JAKMIP3: variants seen among roughly 807,000 people sequenced by gnomAD.
The protein encoded by JAKMIP3 is janus kinase and microtubule-interacting protein 3.
A neutral mutation model predicts 118.5 loss-of-function variants in JAKMIP3; 58 were observed. That is an observed-to-expected ratio of 0.49 (90% CI 0.40 to 0.61). The LOEUF is 0.61. Among genes scored for constraint, JAKMIP3 ranks in the 20% least tolerant of loss-of-function variants. The probability of loss-of-function intolerance (pLI) is 0.00; values close to 1 mark genes in which losing one functional copy is unlikely to be tolerated. For missense variants in JAKMIP3, 950 were observed against 1,109.0 expected (o/e 0.86, Z 2.04); for synonymous variants, 486 against 451.2 (o/e 1.08, Z -0.98).
intron 10 of JAKMIP3, among the ~76,000 whole-genome samples, chr10:132,140,877 T>G (rs11146208): frequency 0.2 from 30,726 of 152,196 alleles, 3,188 homozygotes; most frequent in East Asian, 0.32. Context: ...CCTACGCCCC[T>G]TCTGCATAGG....
intron 1 of JAKMIP3, among the ~76,000 whole-genome samples, chr10:132,087,667 T>A (rs1237472056): frequency 6.6e-6 from 1 of 151,932 alleles, no homozygotes; most frequent in African/African-American, 2.4e-5. Context: ...TTCCAGAGCG[T>A]TTTGCATTTC....
At chr10:132,130,596 G>A (rs1215582210) in intron 3 of JAKMIP3, among the ~76,000 whole-genome samples, 4 of 152,234 alleles carry the variant, frequency 2.6e-5, no homozygotes, top group African/African-American at 9.6e-5. Context: ...CCCTGGGTCA[G>A]GAGACCTGCT....
At chr10:132,079,524 T>C (rs950259169) in intron 1 of JAKMIP3, among the ~76,000 whole-genome samples, 2 of 152,216 alleles carry the variant, frequency 1.3e-5, no homozygotes, top group Admixed American at 1.3e-4. Flanking sequence ...GGGTTGACAC[T>C]ATTTACATAT....
intron 22 of JAKMIP3, among the ~76,000 whole-genome samples, 157 bp downstream of exon 22, chr10:132,167,212 G>A (rs1564994782): frequency 2.0e-5 from 3 of 152,136 alleles, no homozygotes; most frequent in South Asian, 2.1e-4. Context: ...AGCCACCCGC[G>A]TCCTTCAACA....
Position 132,055,981 on chromosome 10 carries a change from C to T in JAKMIP3, c.-138+19243C>T, listed in dbSNP as rs1031572515. Among the ~76,000 whole-genome samples, 5 of 152,198 alleles carry T rather than the reference C, an allele frequency of 3.3e-5. No individual in the cohort carries two copies. In the South Asian group the frequency reaches 6.2e-4, roughly 19 times the overall value. ...GGATGGTCCAGAATGAGTTTCCTTCCAAGTGCTGTGAACATGACTCCACCT... is the reference window on the plus strand; with the variant it reads ...GGATGGTCCAGAATGAGTTTCCTTCTAAGTGCTGTGAACATGACTCCACCT... On this transcript the variant is annotated intron_variant, in intron 1 of 23. Coordinates refer to the JAKMIP3 transcript ENST00000657785.
At chr10:132,176,728 C>T (rs2060173668) in intron 23 of JAKMIP3, among the ~76,000 whole-genome samples, 2 of 152,072 alleles carry the variant, frequency 1.3e-5, no homozygotes, top group Non-Finnish European at 2.9e-5. Context: ...CAGCCATGTG[C>T]ACCCTCCAAT....
At chr10:132,155,926 T>C (rs1301366564) in intron 19 of JAKMIP3, among the ~76,000 whole-genome samples, 8 of 152,176 alleles carry the variant, frequency 5.3e-5, no homozygotes, top group African/African-American at 1.9e-4. Flanking sequence ...ACGGAGCATG[T>C]CTGTCCACCC....
intron 9 of JAKMIP3, among the ~76,000 whole-genome samples, chr10:132,139,174 A>C (rs915195717): frequency 1.9e-5 from 2 of 103,748 alleles, no homozygotes; most frequent in South Asian, 3.9e-4. Context: ...ACATGTGTGT[A>C]TGTGTCTGTG....
At chr10:132,136,440 G>A (rs1187646128) in intron 6 of JAKMIP3, among the ~76,000 whole-genome samples, 2 of 152,138 alleles carry the variant, frequency 1.3e-5, no homozygotes. Context: ...AGGAGGCCTG[G>A]CACACAGCGC....
At chr10:132,143,557 T>C (rs1029019538) in intron 11 of JAKMIP3, among the ~76,000 whole-genome samples, 28 of 152,186 alleles carry the variant, frequency 1.8e-4, no homozygotes, top group African/African-American at 6.3e-4. Context: ...AAAAAAAGTT[T>C]AATGTCATTT....
chr10:132,139,074 G>A (rs1049391070), intron 9 of JAKMIP3, among the ~76,000 whole-genome samples: 2 of 149,874 alleles, frequency 1.3e-5, no homozygotes, highest in African/African-American at 4.9e-5. Context: ...GTGTGTATGT[G>A]TATGTGTGTG....
chr10:132,171,797 G>C (rs142025495), intron 23 of JAKMIP3, among the ~76,000 whole-genome samples: 1,764 of 152,048 alleles, frequency 0.012, 15 homozygotes, highest in Non-Finnish European at 0.015. Context: ...GGGGATTACA[G>C]GCAGGCACCA....
chr10:132,061,541 A>C (rs1178661229), upstream of JAKMIP3, among the ~76,000 whole-genome samples: 1 of 152,234 alleles, frequency 6.6e-6, no homozygotes, highest in Non-Finnish European at 1.5e-5. Context: ...TTGATATAAA[A>C]AGGCCAAATT....
intron 3 of JAKMIP3, among the ~76,000 whole-genome samples, chr10:132,124,573 A>G (rs1324731894): frequency 1.5e-5 from 2 of 135,504 alleles, no homozygotes; most frequent in Non-Finnish European, 3.2e-5. Flanking sequence ...CCGTTGCCAC[A>G]TGGTCACCTG....
intron 2 of JAKMIP3, among the ~76,000 whole-genome samples, chr10:132,105,914 C>T (rs563137653): frequency 4.6e-5 from 7 of 152,228 alleles, no homozygotes; most frequent in East Asian, 3.9e-4. Flanking sequence ...GGAGGGGAGT[C>T]GGGTTATTTG....
chr10:132,095,872 G>A (rs1018365232), intron 1 of JAKMIP3, among the ~76,000 whole-genome samples: 1 of 152,204 alleles, frequency 6.6e-6, no homozygotes, highest in African/African-American at 2.4e-5. Context: ...GGGCAGGAGT[G>A]GCCCACCACA....
rs376837632 is a variant in JAKMIP3 at position 132,139,249 on chromosome 10, T to TG, written c.1344+1071_1344+1072insG. 5.0e-4 allele frequency among the ~76,000 whole-genome samples: 50 copies of TG among 99,854 alleles called. 2 individuals carry two copies. Among genetic ancestry groups the TG allele is most frequent in the Admixed American group, 2.7e-3 (29 of 10,682 alleles). The allele number at this position is 99,854 out of a possible 152,430, so 65.5% of individuals were successfully genotyped here. ...GTGAGTGTATATGCATCTGTGTGTG[T>TG]ATGTGTGTGTGTGTATGTGTGTACA... is the stretch of plus-strand genomic sequence containing the variant. On this transcript the variant is annotated intron_variant, in intron 9 of 23. Transcript: ENST00000684848.
At chr10:132,123,872 G>A (rs2049011682) in intron 3 of JAKMIP3, among the ~76,000 whole-genome samples, 1 of 152,176 alleles carries the variant, frequency 6.6e-6, no homozygotes, top group African/African-American at 2.4e-5. Context: ...ATGATGAGGG[G>A]GTCCCTGAGG....
chr10:132,123,382 C>A (rs2048891733), intron 3 of JAKMIP3, among the ~76,000 whole-genome samples: 1 of 152,246 alleles, frequency 6.6e-6, no homozygotes, highest in Admixed American at 6.5e-5. Context: ...GAATTAGACG[C>A]AAAAGCCAGT....
Sources: allele counts gnomAD v4.1 joint callset (sites outside exome capture counted in the v4.1 genomes callset), GRCh38; gene constraint gnomAD v4.1.1; transcripts MANE v1.5; gene names NCBI Gene and HGNC (gene_info 2026-07-23, HGNC 2026-07-21).